Variants in SETBP1 observed in about 807,000 individuals in gnomAD.
SETBP1 encodes SET-binding protein.
In SETBP1, 9 loss-of-function variants were observed where a neutral mutation model predicts 101.0. The observed-to-expected ratio is 0.09, with a 90% CI of 0.05 to 0.16. The LOEUF (loss-of-function observed/expected upper bound fraction) is 0.16, where lower values mean the gene tolerates loss of function less well. Among genes scored for constraint, SETBP1 ranks in the 10% least tolerant of loss-of-function variants. SETBP1 has a pLI of 1.00. For missense variants in SETBP1, 1,858 were observed against 2,033.8 expected (o/e 0.91, Z 1.66); for synonymous variants, 818 against 788.5 (o/e 1.04, Z -0.63).
At chr18:44,827,533 T>C (rs917819489) in intron 2 of SETBP1, among the ~76,000 whole-genome samples, 5 of 152,206 alleles carry the variant, frequency 3.3e-5, no homozygotes, top group Admixed American at 2.0e-4. Context: ...ATCTTCACTA[T>C]CAAATGTATA....
chr18:44,928,138 T>A (rs191858772), intron 3 of SETBP1, among the ~76,000 whole-genome samples: 68 of 152,288 alleles, frequency 4.5e-4, no homozygotes, highest in African/African-American at 1.6e-3. Flanking sequence ...GTCCAAGTGT[T>A]CTCATTGTTC....
intron 3 of SETBP1, among the ~76,000 whole-genome samples, chr18:44,914,464 G>T (rs16978227): frequency 6.6e-6 from 1 of 152,144 alleles, no homozygotes; most frequent in African/African-American, 2.4e-5. Flanking sequence ...TGTTTTCACT[G>T]GTCAGGATCA....
intron 2 of SETBP1, among the ~76,000 whole-genome samples, chr18:44,838,288 T>A (rs1198697110): frequency 6.6e-6 from 1 of 152,246 alleles, no homozygotes; most frequent in East Asian, 1.9e-4. Context: ...TTTGTATTGA[T>A]GTTTAGTATT....
intron 3 of SETBP1, among the ~76,000 whole-genome samples, chr18:44,888,644 G>T (rs552780692): frequency 8.8e-4 from 134 of 152,206 alleles, no homozygotes; most frequent in Non-Finnish European, 1.5e-3. Flanking sequence ...TGAATCCTCT[G>T]TGTGGCCTTA....
chr18:44,806,030 CCTT>C (rs1212720231), intron 2 of SETBP1, among the ~76,000 whole-genome samples: 1 of 152,106 alleles, frequency 6.6e-6, no homozygotes, highest in Admixed American at 6.5e-5. Context: ...ATGCCCCAGA[CCTT>C]CTTTTCCTCT....
chr18:44,877,675 T>C (rs1398438420), intron 3 of SETBP1, among the ~76,000 whole-genome samples: 1 of 152,202 alleles, frequency 6.6e-6, no homozygotes, highest in Non-Finnish European at 1.5e-5. Flanking sequence ...AAGCCCAAAC[T>C]GACACTTTTA....
chr18:44,862,758 T>A (rs2069042587), intron 2 of SETBP1, among the ~76,000 whole-genome samples: 1 of 152,172 alleles, frequency 6.6e-6, no homozygotes, highest in African/African-American at 2.4e-5. Context: ...TTCCACAAAG[T>A]GTAAACAAGC....
chr18:44,693,285 G>A (rs1280656513), intron 1 of SETBP1, among the ~76,000 whole-genome samples: 1 of 152,160 alleles, frequency 6.6e-6, no homozygotes, highest in African/African-American at 2.4e-5. Flanking sequence ...ACTGTGCCAA[G>A]CCCTGGGGGT....
intron 2 of SETBP1, among the ~76,000 whole-genome samples, chr18:44,710,454 T>G (rs1364253535): frequency 2.7e-5 from 4 of 148,952 alleles, no homozygotes; most frequent in Non-Finnish European, 6.0e-5. Flanking sequence ...TTAGGAGTTT[T>G]TTTTTTTTTT....
At chr18:44,791,104 C>T (rs180721253) in intron 2 of SETBP1, among the ~76,000 whole-genome samples, 2 of 152,170 alleles carry the variant, frequency 1.3e-5, no homozygotes, top group East Asian at 3.9e-4. Flanking sequence ...AGCTACTTTG[C>T]ATAAGAGGTG....
intron 2 of SETBP1, among the ~76,000 whole-genome samples, chr18:44,846,765 T>C (rs1568177862): frequency 4.6e-5 from 7 of 152,256 alleles, no homozygotes. Flanking sequence ...CCTCCAAAGA[T>C]ACTTACCAAT....
chr18:44,702,334 C>T (rs911243656), intron 2 of SETBP1, among the ~76,000 whole-genome samples: 18 of 151,980 alleles, frequency 1.2e-4, no homozygotes, highest in African/African-American at 3.4e-4. Context: ...AGTTCAAGCC[C>T]GTGTTGTTCA....
intron 2 of SETBP1, among the ~76,000 whole-genome samples, chr18:44,767,554 T>C (rs924474194): frequency 2.6e-5 from 4 of 152,218 alleles, no homozygotes; most frequent in Non-Finnish European, 4.4e-5. Flanking sequence ...CTCCTTAAGA[T>C]GGTTATATGA....
At chr18:44,995,863 C>T (rs904750510) in intron 4 of SETBP1, among the ~76,000 whole-genome samples, 1 of 152,184 alleles carries the variant, frequency 6.6e-6, no homozygotes, top group African/African-American at 2.4e-5. Flanking sequence ...TTCATGAGGG[C>T]AGGGCCCTAA....
intron 2 of SETBP1, among the ~76,000 whole-genome samples, chr18:44,765,546 A>G (rs1891001712): frequency 6.6e-6 from 1 of 152,246 alleles, no homozygotes; most frequent in Non-Finnish European, 1.5e-5. Context: ...AATGGTATCC[A>G]GGCTACGGAA....
chr18:45,046,048 G>T (rs1212854111), intron 5 of SETBP1, among the ~76,000 whole-genome samples: 2 of 152,008 alleles, frequency 1.3e-5, no homozygotes, highest in Non-Finnish European at 2.9e-5. Context: ...CATCCTCTGT[G>T]CCTCCCTGGC....
At chr18:44,885,372 C>T (rs1041197080) in intron 3 of SETBP1, among the ~76,000 whole-genome samples, 13 of 152,130 alleles carry the variant, frequency 8.5e-5, no homozygotes, top group Non-Finnish European at 1.9e-4. Context: ...TAAATGAGCA[C>T]ATGAATCCCA....
chr18:44,971,065 C>T (rs1157839845), intron 4 of SETBP1, among the ~76,000 whole-genome samples: 1 of 151,748 alleles, frequency 6.6e-6, no homozygotes, highest in Non-Finnish European at 1.5e-5. Context: ...GTGATGTTCC[C>T]CTTCCAGTGT....
intron 4 of SETBP1, among the ~76,000 whole-genome samples, chr18:44,981,194 T>G (rs2072105851): frequency 6.6e-6 from 1 of 152,220 alleles, no homozygotes; most frequent in African/African-American, 2.4e-5. Flanking sequence ...TAACATCCTG[T>G]GAATCCCTGA....
Sources: allele counts gnomAD v4.1 joint callset (sites outside exome capture counted in the v4.1 genomes callset), GRCh38; gene constraint gnomAD v4.1.1; transcripts MANE v1.5; gene names NCBI Gene and HGNC (gene_info 2026-07-23, HGNC 2026-07-21).